SUGCT: variants seen among roughly 807,000 people sequenced by gnomAD.
The protein encoded by SUGCT is succinyl-CoA:glutarate CoA-transferase.
Under a neutral mutation model 55.0 loss-of-function variants are expected in SUGCT, and 41 were observed. That is an observed-to-expected ratio of 0.74 (90% confidence interval 0.58 to 0.97). The LOEUF is 0.97. SUGCT is among the 50% of genes least tolerant of loss of function. The probability of loss-of-function intolerance (pLI) is 0.00; values close to 1 mark genes in which losing one functional copy is unlikely to be tolerated. For synonymous variants in SUGCT, 187 were observed against 200.4 expected, an observed-to-expected ratio of 0.93 and a Z score of 0.56; for missense variants, 568 against 547.8, an observed-to-expected ratio of 1.04 and a Z score of -0.37.
chr7:40,295,582 T>C (rs1584604523), intron 8 of SUGCT, among the ~76,000 whole-genome samples: 2 of 122,364 alleles, frequency 1.6e-5, no homozygotes, highest in African/African-American at 7.6e-5. Flanking sequence ...TCTCCAAAAA[T>C]AAACAAACAA....
At chr7:40,459,377 A>C (rs1393254449) in intron 11 of SUGCT, among the ~76,000 whole-genome samples, 179 bp downstream of exon 11, 2 of 152,020 alleles carry the variant, frequency 1.3e-5, no homozygotes, top group Non-Finnish European at 2.9e-5. Context: ...GTTTGTTTAG[A>C]AGCACTTGAA....
At chr7:40,965,214 C>T in the SUGCT span, 1 of 152,114 alleles carries the variant, frequency 6.6e-6, no homozygotes. Flanking sequence ...ATTCGCTTCC[C>T]CTGAGGAACT....
At position 40,139,043 on chromosome 7, in the gene SUGCT, G is replaced by A. The variant is rs149132855; in HGVS notation, c.100+3923G>A. ...AATCCTACCACTTTGGGAGGCTGAA[G>A]TGGGTGGATCACCTGAGGTCAGGAG... is the stretch of plus-strand genomic sequence containing the variant. On this transcript the variant is annotated intron_variant, in intron 1 of 13. Coordinates refer to ENST00000335693, the MANE Select transcript of SUGCT (RefSeq NM_001193313.2). 2.1e-4 allele frequency among the ~76,000 whole-genome samples: 32 copies of A among 152,066 alleles called. No homozygotes were observed. In the East Asian group the frequency reaches 6.0e-3, roughly 29 times the overall value.
intron 10 of SUGCT, among the ~76,000 whole-genome samples, chr7:40,455,911 A>G (rs1343887387): frequency 5.3e-5 from 8 of 152,264 alleles, no homozygotes; most frequent in Admixed American, 5.2e-4. Flanking sequence ...ATGGCGGTGT[A>G]TATGAACATT....
At chr7:40,925,865 G>A in the SUGCT span, among the ~76,000 whole-genome samples, 20 of 152,260 alleles carry the variant, frequency 1.3e-4, no homozygotes, top group South Asian at 1.5e-3. Flanking sequence ...AGGCTGAGAT[G>A]GGGGGACTGC....
intron 9 of SUGCT, among the ~76,000 whole-genome samples, chr7:40,412,735 A>G (rs1369547601): frequency 6.6e-6 from 1 of 151,808 alleles, no homozygotes; most frequent in South Asian, 2.1e-4. Context: ...GTAATTTTAG[A>G]CTGTATTAAG....
At chr7:40,823,402 A>G (rs77918995) in intron 13 of SUGCT, among the ~76,000 whole-genome samples, 11,671 of 152,058 alleles carry the variant, frequency 0.077, 585 homozygotes, top group Middle Eastern at 0.13. Context: ...TTTTTCATTT[A>G]AAAATAGATC....
intron 13 of SUGCT, among the ~76,000 whole-genome samples, chr7:40,802,696 A>T (rs752272516): frequency 6.6e-6 from 1 of 152,104 alleles, no homozygotes; most frequent in Non-Finnish European, 1.5e-5. Context: ...AACTTACCCA[A>T]CCTAAAAACC....
intron 9 of SUGCT, among the ~76,000 whole-genome samples, chr7:40,432,994 A>G (rs1166695891): frequency 6.7e-6 from 1 of 149,864 alleles, no homozygotes; most frequent in East Asian, 2.0e-4. Context: ...CTCTTTTTTC[A>G]TTCTTTTTTC....
chr7:40,627,326 A>C (rs1402393481), intron 12 of SUGCT, among the ~76,000 whole-genome samples: 1 of 152,230 alleles, frequency 6.6e-6, no homozygotes, highest in African/African-American at 2.4e-5. Context: ...TTGGGTCCAA[A>C]TACCTGCTAG....
intron 3 of SUGCT, among the ~76,000 whole-genome samples, chr7:40,184,734 G>C (rs1404968401): frequency 6.6e-6 from 1 of 152,140 alleles, no homozygotes; most frequent in Non-Finnish European, 1.5e-5. Flanking sequence ...AAATCAGTGA[G>C]ACTGGTATAG....
chr7:40,436,269 C>T (rs1471726937), intron 9 of SUGCT, among the ~76,000 whole-genome samples: 3 of 151,968 alleles, frequency 2.0e-5, no homozygotes, highest in African/African-American at 7.2e-5. Flanking sequence ...ACTGCACTTA[C>T]TCAAATTTTC....
At chr7:40,776,555 T>G (rs1789463591) in intron 13 of SUGCT, among the ~76,000 whole-genome samples, 1 of 152,230 alleles carries the variant, frequency 6.6e-6, no homozygotes, top group African/African-American at 2.4e-5. Flanking sequence ...TAGTTGCTCT[T>G]ACTTTTTCTG....
the SUGCT span, among the ~76,000 whole-genome samples, chr7:40,910,136 C>T: frequency 1.3e-5 from 2 of 151,410 alleles, no homozygotes; most frequent in African/African-American, 4.9e-5. Flanking sequence ...ATGGAAAGTG[C>T]TTTCCTAAGA....
chr7:40,542,540 A>T (rs1794752135), intron 12 of SUGCT, among the ~76,000 whole-genome samples: 1 of 152,182 alleles, frequency 6.6e-6, no homozygotes, highest in African/African-American at 2.4e-5. Context: ...TTTGATAGCA[A>T]AAAAGGATAT....
intron 12 of SUGCT, among the ~76,000 whole-genome samples, chr7:40,635,293 G>GA (rs999927369): frequency 2.0e-5 from 3 of 148,576 alleles, no homozygotes; most frequent in Admixed American, 6.7e-5. Context: ...CTCCAAAAAA[G>GA]AAAAAAACAA....
rs1336162506 is a variant in SUGCT at position 40,366,335 on chromosome 7, A to G, written c.816+49480A>G. Among the ~76,000 whole-genome samples the G allele has an allele frequency of 2.0e-5, 3 of 152,314 alleles. No individual in the cohort carries two copies. In the East Asian group the frequency reaches 5.8e-4, roughly 29 times the overall value. On this transcript the variant is annotated intron_variant, in intron 9 of 13. Transcript: ENST00000335693. ...CCTAGAAGAAAACCTAGGCATTACC[A>G]TTCAGGACATAGGCATGGGCGAGGA...
chr7:40,170,695 C>T (rs1322693988), intron 1 of SUGCT, among the ~76,000 whole-genome samples: 1 of 151,758 alleles, frequency 6.6e-6, no homozygotes, highest in Non-Finnish European at 1.5e-5. Flanking sequence ...CTTTCTTAAC[C>T]ACAAAGAAAG....
intron 8 of SUGCT, among the ~76,000 whole-genome samples, chr7:40,289,185 A>T (rs530743417): frequency 3.3e-5 from 5 of 152,122 alleles, no homozygotes; most frequent in Admixed American, 6.6e-5. Context: ...ATGGGAGATT[A>T]TCTTGGATTA....
Sources: gnomAD v4.1 joint callset for allele counts (sites outside exome capture counted in the v4.1 genomes callset) on GRCh38, gnomAD v4.1.1 for gene constraint, MANE v1.5 for transcripts, NCBI Gene and HGNC (gene_info 2026-07-23, HGNC 2026-07-21) for gene names.